Variants in PTPRG observed in about 807,000 individuals in gnomAD.
PTPRG encodes protein tyrosine phosphatase receptor type G.
Under a neutral mutation model 165.3 loss-of-function variants are expected in PTPRG, and 102 were observed. The observed-to-expected ratio is 0.62, with a 90% CI of 0.53 to 0.73. The LOEUF is 0.73. Ranked by LOEUF, PTPRG falls within the 30% of genes least tolerant of loss-of-function variation. The probability of loss-of-function intolerance (pLI) is 0.00; values close to 1 mark genes in which losing one functional copy is unlikely to be tolerated. For missense variants in PTPRG, 1,866 were observed against 1,861.4 expected, an observed-to-expected ratio of 1.00 and a Z score of -0.05; for synonymous variants, 675 against 669.5, an observed-to-expected ratio of 1.01 and a Z score of -0.13.
At chr3:62,075,506 T>A (rs186595093) in intron 4 of PTPRG, among the ~76,000 whole-genome samples, 1 of 152,336 alleles carries the variant, frequency 6.6e-6, no homozygotes, top group Non-Finnish European at 1.5e-5. Context: ...CTGCCAGAAT[T>A]GGTGCAAATT....
intron 4 of PTPRG, among the ~76,000 whole-genome samples, chr3:62,070,525 C>A (rs1267007093): frequency 1.3e-5 from 2 of 152,204 alleles, no homozygotes; most frequent in African/African-American, 4.8e-5. Flanking sequence ...AGGGACACAG[C>A]CTTGCACTGC....
chr3:62,293,125 T>C (rs1231781355), intron 29 of PTPRG, 36 bp from the exon 30 acceptor site: 3 of 1,505,196 alleles, frequency 2.0e-6, no homozygotes, highest in Non-Finnish European at 2.7e-6. Flanking sequence ...CACTAAACTG[T>C]TCTTTGGCTC....
intron 1 of PTPRG, among the ~76,000 whole-genome samples, chr3:61,744,966 C>G (rs563067529): frequency 2.6e-5 from 4 of 151,616 alleles, no homozygotes; most frequent in Non-Finnish European, 5.9e-5. Context: ...TGCATAGATA[C>G]ACACACATTT....
intron 6 of PTPRG, among the ~76,000 whole-genome samples, chr3:62,141,917 T>TG (rs1426240369): frequency 1.3e-5 from 2 of 151,418 alleles, no homozygotes; most frequent in African/African-American, 4.9e-5. Context: ...AGAAGACATG[T>TG]GGGCAAGAAT....
intron 16 of PTPRG, chr3:62,261,077 A>G (rs1259364657): frequency 1.3e-5 from 2 of 152,204 alleles, no homozygotes; most frequent in Non-Finnish European, 2.9e-5. Flanking sequence ...ACTTCAGTCC[A>G]TAGCTAGGGT....
In PTPRG at chr3:62,186,567, C is replaced by T. The variant is rs796508789; in HGVS notation, c.1034-4902C>T. ...GTTGAAGCTGGATTTTTTTCTTTTCCTTTTTTTTTTTTTTTTTGAGATAGG... is the reference window on the plus strand; with the variant it reads ...GTTGAAGCTGGATTTTTTTCTTTTCTTTTTTTTTTTTTTTTTTGAGATAGG... On this transcript the variant is annotated intron_variant, in intron 8 of 29. Coordinates refer to ENST00000474889, the MANE Select transcript of PTPRG (RefSeq NM_002841.4). Among the ~76,000 whole-genome samples, 288 of 117,486 alleles carry T rather than the reference C, an allele frequency of 2.5e-3. 2 individuals are homozygous for T. Among genetic ancestry groups the T allele is most frequent in the African/African-American group, 9.0e-3 (258 of 28,744 alleles). The allele number at this position is 117,486 out of a possible 152,430, so 77.1% of individuals were successfully genotyped here.
intron 8 of PTPRG, among the ~76,000 whole-genome samples, chr3:62,170,452 GA>G (rs796426828): frequency 8.5e-5 from 13 of 152,138 alleles, no homozygotes; most frequent in African/African-American, 3.1e-4. Context: ...GCTCTTTCCT[GA>G]AAAAATGGGC....
intron 2 of PTPRG, among the ~76,000 whole-genome samples, chr3:61,879,287 G>A (rs907930440): frequency 2.0e-5 from 3 of 152,066 alleles, no homozygotes; most frequent in South Asian, 2.1e-4. Context: ...TTTTCTCTGC[G>A]TCCTCACGAT....
At chr3:62,293,109 T>C in intron 29 of PTPRG, 52 bp from the exon 30 acceptor site, 1 of 1,419,482 alleles carries the variant, frequency 7.0e-7, no homozygotes, top group East Asian at 2.4e-5. Context: ...CCACCTTATG[T>C]GAAATCACTA....
intron 4 of PTPRG, among the ~76,000 whole-genome samples, chr3:62,042,265 G>A (rs1283192647): frequency 1.3e-5 from 2 of 152,132 alleles, no homozygotes; most frequent in Admixed American, 1.3e-4. Flanking sequence ...CTGTCATAAA[G>A]CCATGCCCAG....
rs550927520 is a variant in PTPRG at position 62,273,820 on chromosome 3, G to C, written c.3441G>C (p.Lys1147Asn). ...TCCTTATACCAGGAGTAGGAGGAAA[G>C]ACACGACTGGAAAAGCAATTCAAGG... Reference protein sequence around the residue: ...NSILIPGVGGKTRLEKQFKLV... With the variant: ...NSILIPGVGGNTRLEKQFKLV... Residue 1147 changes from lysine (K) to asparagine (N), a missense_variant, in exon 23 of 30, where the codon AAG becomes AAC. Lys to Asn is a moderately conservative substitution (Grantham distance 94). Around this residue, in one of 3 missense-constraint regions of PTPRG, gnomAD observed 1,452 missense variants for 1,463.0 expected, o/e 0.99. Coordinates refer to ENST00000474889, the MANE Select transcript of PTPRG (RefSeq NM_002841.4). This position sits in a 1 kb window ranked among gnomAD's most constrained non-coding sequence, Gnocchi z 4.1. 1.2e-6 allele frequency: 2 copies of C among 1,613,658 alleles called. No homozygotes were observed. Among genetic ancestry groups the C allele is most frequent in the Non-Finnish European group, 1.7e-6 (2 of 1,179,794 alleles).
intron 4 of PTPRG, among the ~76,000 whole-genome samples, chr3:62,076,052 G>A (rs1454009761): frequency 2.0e-5 from 3 of 152,138 alleles, no homozygotes; most frequent in Non-Finnish European, 4.4e-5. Context: ...AGGGTGGGCG[G>A]ATTGCTTGAG....
intron 10 of PTPRG, among the ~76,000 whole-genome samples, chr3:62,200,424 C>T (rs1363978091): frequency 1.8e-4 from 28 of 152,068 alleles, no homozygotes; most frequent in Middle Eastern, 3.2e-3. Flanking sequence ...GCGTTCACCA[C>T]CACACCCAGC....
At chr3:61,676,496 A>C (rs893493477) in intron 1 of PTPRG, among the ~76,000 whole-genome samples, 1 of 149,650 alleles carries the variant, frequency 6.7e-6, no homozygotes, top group Non-Finnish European at 1.5e-5. Flanking sequence ...AAGTCTGTGA[A>C]ATTAGTACAT....
chr3:61,775,899 G>A (rs2034364654), intron 2 of PTPRG, among the ~76,000 whole-genome samples: 1 of 148,696 alleles, frequency 6.7e-6, no homozygotes, highest in Non-Finnish European at 1.5e-5. Flanking sequence ...GACACAGGAA[G>A]GGGAACATCA....
intron 4 of PTPRG, among the ~76,000 whole-genome samples, chr3:62,043,720 A>G (rs1325734357): frequency 6.6e-6 from 1 of 152,148 alleles, no homozygotes; most frequent in Non-Finnish European, 1.5e-5. Context: ...GCTTGTTTTT[A>G]CTTCTGCCAG....
At chr3:62,286,329 T>C (rs1702658455) in intron 28 of PTPRG, among the ~76,000 whole-genome samples, 1 of 152,146 alleles carries the variant, frequency 6.6e-6, no homozygotes, top group African/African-American at 2.4e-5. Flanking sequence ...CCAGCTTCAA[T>C]TTTTTTGTTT....
intron 1 of PTPRG, among the ~76,000 whole-genome samples, chr3:61,602,534 T>C (rs1245458092): frequency 1.3e-5 from 2 of 152,214 alleles, no homozygotes; most frequent in Non-Finnish European, 2.9e-5. Flanking sequence ...GGTTAAAAAC[T>C]GAACTGCCAT....
At position 62,203,046 on chromosome 3, in the gene PTPRG, A is replaced by G. The variant is rs17066275; in HGVS notation, c.1378-127A>G. The G allele has an allele frequency of 0.046, 66,626 of 1,453,812 alleles. 3,680 individuals carry two copies. The highest frequency in any genetic ancestry group is 0.31 in the East Asian group (13,032 of 41,884). The allele number at this position is 1,453,812 out of a possible 1,614,324, so 90.1% of individuals were successfully genotyped here. ...TTTATGCCATACATTGGAAAACTCC[A>G]TAGCATAGATGAGTAAAATCCTCAG... On this transcript the variant is annotated intron_variant, in intron 11 of 29. Coordinates refer to ENST00000474889, the MANE Select transcript of PTPRG (RefSeq NM_002841.4). This position sits in a 1 kb window ranked among gnomAD's most constrained non-coding sequence, Gnocchi z 6.4.
Sources: gnomAD v4.1 joint callset for allele counts (sites outside exome capture counted in the v4.1 genomes callset) on GRCh38, gnomAD v4.1.1 for gene constraint, gnomAD v4.1.1 regional missense constraint, Gnocchi (gnomAD v3.1) non-coding constraint, MANE v1.5 for transcripts, NCBI Gene and HGNC (gene_info 2026-07-23, HGNC 2026-07-21) for gene names.